ABCA13: variants seen among roughly 807,000 people sequenced by gnomAD.
ABCA13 encodes ATP binding cassette subfamily A member 13, also known as ATP-binding cassette sub-family A member 13.
Under a neutral mutation model 478.7 loss-of-function variants are expected in ABCA13, and 476 were observed. That is an observed-to-expected ratio of 0.99 (90% CI 0.92 to 1.07). The LOEUF (loss-of-function observed/expected upper bound fraction) is 1.07. Ranked by LOEUF, ABCA13 falls within the 50% of genes least tolerant of loss-of-function variation. The pLI, the probability that ABCA13 is intolerant of heterozygous loss-of-function variation, is 0.00. For synonymous variants in ABCA13, 2,252 were observed against 2,158.9 expected (o/e 1.04, Z -1.20); for missense variants, 6,060 against 5,910.6 (o/e 1.03, Z -0.83).
intron 31 of ABCA13, among the ~76,000 whole-genome samples, chr7:48,357,130 G>C (rs939899441): frequency 6.6e-6 from 1 of 151,756 alleles, no homozygotes; most frequent in African/African-American, 2.4e-5. Flanking sequence ...GAGAGTGAAG[G>C]GTTGACAGCC....
intron 34 of ABCA13, 63 bp from the exon 35 acceptor site, chr7:48,376,378 A>G: frequency 6.4e-7 from 1 of 1,568,396 alleles, no homozygotes; most frequent in South Asian, 1.2e-5. Flanking sequence ...TGAACTCATC[A>G]TGACAAAATC....
chr7:48,545,585 G>A (rs1784748477), intron 55 of ABCA13, among the ~76,000 whole-genome samples: 1 of 151,238 alleles, frequency 6.6e-6, no homozygotes, highest in East Asian at 1.9e-4. Flanking sequence ...CCATTAAAGT[G>A]GAGTGACTAA....
rs943293373 is a variant in ABCA13, at chr7:48,647,446, G to A, written c.*1934G>A. ...CAATAAATACCAATTTGTGAAACAT[G>A]AATGTGTTTAAACTGCAGTGAATAA... On this transcript the variant is annotated 3_prime_UTR_variant, in exon 62 of 62. Transcript: ENST00000435803. 6.6e-6 allele frequency: 1 copy of A among 152,162 alleles called. No homozygotes were observed. The highest frequency in any genetic ancestry group is 6.5e-5 in the Admixed American group (1 of 15,280). 9.4% of individuals were successfully genotyped at this position (152,162 alleles called of 1,614,324 possible). A position where few individuals can be genotyped will look rare whatever the true frequency, so the allele number is the denominator to read the frequency against.
chr7:48,615,390 T>C lies in ABCA13; in HGVS notation c.14837+13T>C. On this transcript the variant is annotated intron_variant, in intron 59 of 61. Coordinates refer to ENST00000435803, the MANE Select transcript of ABCA13 (RefSeq NM_152701.5). ...ACATCAAAAATAGGTGCGTTGAAGT[T>C]CTCCTTTTGCTTAGATATTTACTAT... 1 of 1,552,518 alleles carries C rather than the reference T, an allele frequency of 6.4e-7. No homozygotes were observed. Among genetic ancestry groups the C allele is most frequent in the Non-Finnish European group, 8.7e-7 (1 of 1,145,990 alleles).
At chr7:48,619,733 G>A (rs1359325409) in intron 59 of ABCA13, among the ~76,000 whole-genome samples, 1 of 152,150 alleles carries the variant, frequency 6.6e-6, no homozygotes, top group Non-Finnish European at 1.5e-5. Context: ...AATCAAAGAA[G>A]GAGGAAGACA....
In ABCA13 at chr7:48,273,149, A is replaced by T. The variant is rs1302966422; in HGVS notation, c.3483A>T (p.Ile1161=). The change falls in exon 17 of 62, where the codon ATA becomes ATT. Residue 1161 remains isoleucine, a synonymous_variant. Coordinates refer to ENST00000435803, the MANE Select transcript of ABCA13 (RefSeq NM_152701.5). The stretch of plus-strand genomic sequence containing the variant: ...TGTGGACTGAAATCTGGGAAACCAT[A>T]TCTCAATTATTTAAGTTTGACATGA... ...LQMWTEIWET[I]SQLFKFDMNV... is the part of the protein sequence containing the mutation. 6.2e-7 allele frequency: 1 copy of T among 1,613,704 alleles called. No homozygotes were observed. The highest frequency in any genetic ancestry group is 1.1e-5 in the South Asian group (1 of 91,078).
At chr7:48,608,770 T>TGAC (rs1431277631) in intron 58 of ABCA13, among the ~76,000 whole-genome samples, 3 of 152,252 alleles carry the variant, frequency 2.0e-5, no homozygotes, top group Non-Finnish European at 2.9e-5. Context: ...CTTCTTATCC[T>TGAC]AAGTTTAGCA....
At chr7:48,262,456 T>A (rs531272380) in intron 15 of ABCA13, among the ~76,000 whole-genome samples, 2 of 151,946 alleles carry the variant, frequency 1.3e-5, no homozygotes, top group Admixed American at 1.3e-4. Context: ...AAATTAACTT[T>A]ACCCTCTTTT....
intron 35 of ABCA13, among the ~76,000 whole-genome samples, chr7:48,383,237 G>A (rs544913261): frequency 1.3e-4 from 20 of 152,338 alleles, no homozygotes; most frequent in African/African-American, 4.6e-4. Flanking sequence ...GGTGACTCCT[G>A]ACATTGTTGC....
chr7:48,595,049 A>T (rs2131441549), intron 58 of ABCA13, among the ~76,000 whole-genome samples: 1 of 152,284 alleles, frequency 6.6e-6, no homozygotes, highest in South Asian at 2.1e-4. Flanking sequence ...ATTTGAACCT[A>T]GTGTTCTGTG....
intron 35 of ABCA13, among the ~76,000 whole-genome samples, chr7:48,381,878 G>A (rs532236528): frequency 1.3e-5 from 2 of 152,298 alleles, no homozygotes; most frequent in East Asian, 3.9e-4. Flanking sequence ...GAGTGTGCAC[G>A]TAAAACAAAT....
At chr7:48,457,184 C>G (rs980079177) in intron 43 of ABCA13, among the ~76,000 whole-genome samples, 8 of 151,996 alleles carry the variant, frequency 5.3e-5, no homozygotes, top group African/African-American at 1.9e-4. Flanking sequence ...GCTTAATAGG[C>G]AGCTCTTTGA....
chr7:48,599,723 T>C (rs138831692), intron 58 of ABCA13, among the ~76,000 whole-genome samples: 1 of 152,308 alleles, frequency 6.6e-6, no homozygotes, highest in East Asian at 1.9e-4. Flanking sequence ...CAGTATTAGG[T>C]AAATGCATAA....
intron 35 of ABCA13, among the ~76,000 whole-genome samples, chr7:48,387,314 A>G (rs902864299): frequency 6.6e-6 from 1 of 152,190 alleles, no homozygotes; most frequent in African/African-American, 2.4e-5. Flanking sequence ...TTTGGAGAAT[A>G]CTTTTGAAGA....
chr7:48,272,562 T>C lies in ABCA13; in HGVS notation c.2896T>C (p.Ser966Pro), dbSNP rs1417949997. The C allele has an allele frequency of 3.1e-6, 5 of 1,613,778 alleles. No individual in the cohort carries two copies. In the East Asian group the frequency reaches 1.1e-4, roughly 36 times the overall value. The change falls in exon 17 of 62, where the codon TCT (serine) becomes CCT (proline). Residue 966 changes from serine (S) to proline (P), a missense_variant. Physicochemically the swap from Ser to Pro is moderately conservative, Grantham distance 74. Coordinates refer to ENST00000435803, the MANE Select transcript of ABCA13 (RefSeq NM_152701.5). ...KDSALLLQIY[S>P]SFYRYIYELL... The stretch of plus-strand genomic sequence containing the variant: ...TTCAGCTTTACTTCTGCAAATTTAT[T>C]CTTCATTTTACCGATATATTTATGA...
chr7:48,615,470 G>GGAACA, intron 59 of ABCA13, 93 bp downstream of exon 59: 1 of 1,110,282 alleles, frequency 9.0e-7, no homozygotes, highest in Non-Finnish European at 1.3e-6. Flanking sequence ...AGGCAAGTAT[G>GGAACA]TTCCAATTAC....
At chr7:48,596,582 G>A (rs1790302563) in intron 58 of ABCA13, among the ~76,000 whole-genome samples, 1 of 152,040 alleles carries the variant, frequency 6.6e-6, no homozygotes, top group African/African-American at 2.4e-5. Flanking sequence ...AGGCCAAGGC[G>A]GGCGGATCAC....
chr7:48,578,582 T>C (rs1426728660), intron 55 of ABCA13, among the ~76,000 whole-genome samples: 2 of 152,184 alleles, frequency 1.3e-5, no homozygotes, highest in Non-Finnish European at 2.9e-5. Flanking sequence ...AGATATTCCA[T>C]GTTTTGGGGT....
Position 48,276,383 on chromosome 7 carries a change from C to G in ABCA13, c.6717C>G (p.Asn2239Lys), listed in dbSNP as rs1448600053. The change falls in exon 17 of 62, where the codon AAC (asparagine) becomes AAG (lysine). Residue 2239 changes from asparagine (N) to lysine (K), a missense_variant. Asn to Lys is a moderately conservative substitution (Grantham distance 94). Transcript: ENST00000435803. ...ACCTTCAAATAATGAATTTCATTAA[C>G]CTTATCTTGAACCATATGCAGTCAG... Reference protein sequence around the residue: ...DTDLQIMNFINLILNHMQSET... With the variant: ...DTDLQIMNFIKLILNHMQSET... 6.4e-7 allele frequency: 1 copy of G among 1,554,480 alleles called. No individual in the cohort carries two copies. The highest frequency in any genetic ancestry group is 1.9e-5 in the Admixed American group (1 of 51,578).
Sources: gnomAD v4.1 joint callset for allele counts (sites outside exome capture counted in the v4.1 genomes callset) on GRCh38, gnomAD v4.1.1 for gene constraint, MANE v1.5 for transcripts, NCBI Gene and HGNC (gene_info 2026-07-23, HGNC 2026-07-21) for gene names.